ADAMTSL1: variants seen among roughly 807,000 people sequenced by gnomAD.
ADAMTSL1 encodes the protein ADAMTS-like protein 1.
A neutral mutation model predicts 201.8 loss-of-function variants in ADAMTSL1; 126 were observed. The observed-to-expected ratio is 0.62, with a 90% CI of 0.54 to 0.72. The LOEUF (loss-of-function observed/expected upper bound fraction) is 0.72. Among genes scored for constraint, ADAMTSL1 ranks in the 30% least tolerant of loss-of-function variants. The pLI, the probability that ADAMTSL1 is intolerant of heterozygous loss-of-function variation, is 0.00. For synonymous variants in ADAMTSL1, 1,121 were observed against 903.4 expected (o/e 1.24, Z -4.32); for missense variants, 2,679 against 2,277.8 (o/e 1.18, Z -3.59).
intron 4 of ADAMTSL1, among the ~76,000 whole-genome samples, chr9:18,583,846 G>A (rs1026133396): frequency 6.6e-6 from 1 of 152,156 alleles, no homozygotes; most frequent in African/African-American, 2.4e-5. Context: ...AGGGCCTGTA[G>A]TCCCTTTGTT....
intron 7 of ADAMTSL1, among the ~76,000 whole-genome samples, chr9:18,655,819 A>AAAAAAATAAAAAAAAAAT (rs1564123606): frequency 1.4e-4 from 14 of 101,042 alleles, no homozygotes; most frequent in Non-Finnish European, 3.5e-4. Flanking sequence ...AAAAAAAAAA[A>AAAAAAATAAAAAAAAAAT]AAAAAAAAAA....
intron 2 of ADAMTSL1, among the ~76,000 whole-genome samples, chr9:18,371,725 A>T (rs1837050351): frequency 6.6e-6 from 1 of 152,222 alleles, no homozygotes; most frequent in Non-Finnish European, 1.5e-5. Context: ...TTTCACAATC[A>T]CAAATAAATG....
At chr9:18,343,716 G>C (rs143702212) in intron 2 of ADAMTSL1, among the ~76,000 whole-genome samples, 134 of 152,228 alleles carry the variant, frequency 8.8e-4, no homozygotes, top group African/African-American at 2.7e-3. Context: ...CACCATCTGA[G>C]CTCCTTAAGC....
chr9:18,145,593 A>G (rs1211132923), intron 1 of ADAMTSL1, among the ~76,000 whole-genome samples: 2 of 152,202 alleles, frequency 1.3e-5, no homozygotes, highest in African/African-American at 2.4e-5. Context: ...CATATCTTTC[A>G]TAAACATTAG....
At chr9:17,908,235 C>T (rs755173473) in intron 1 of ADAMTSL1, among the ~76,000 whole-genome samples, 3 of 152,162 alleles carry the variant, frequency 2.0e-5, no homozygotes, top group Admixed American at 1.3e-4. Context: ...TGTATTCCCA[C>T]CATGCTTCGT....
intron 4 of ADAMTSL1, among the ~76,000 whole-genome samples, chr9:18,581,475 A>T (rs1750098090): frequency 6.6e-6 from 1 of 152,082 alleles, no homozygotes; most frequent in South Asian, 2.1e-4. Context: ...ACAAATATTC[A>T]CCTGATCCCA....
In ADAMTSL1 at chr9:18,680,294, C is replaced by T. The variant is rs1187453806; in HGVS notation, c.1137-18C>T. 3.1e-6 allele frequency: 5 copies of T among 1,612,242 alleles called. No individual in the cohort carries two copies. The highest frequency in any genetic ancestry group is 4.2e-6 in the Non-Finnish European group (5 of 1,179,166). On this transcript the variant is annotated intron_variant, in intron 10 of 28. Transcript: ENST00000380548. The stretch of plus-strand genomic sequence containing the variant: ...GCAATGTGCATGTCTGCCCTGATGA[C>T]TCCCCTTGCTTCTGTAGGTGGGAGG...
At chr9:18,592,600 T>A (rs115401709) in intron 4 of ADAMTSL1, among the ~76,000 whole-genome samples, 2 of 152,150 alleles carry the variant, frequency 1.3e-5, no homozygotes, top group East Asian at 3.9e-4. Flanking sequence ...AACTTCTCAG[T>A]ACCATGCTAT....
At chr9:18,576,409 A>G (rs1035413541) in intron 4 of ADAMTSL1, among the ~76,000 whole-genome samples, 2 of 152,214 alleles carry the variant, frequency 1.3e-5, no homozygotes, top group Non-Finnish European at 2.9e-5. Context: ...GGATGACCAT[A>G]GTCTCACCTT....
chr9:18,721,672 G>T lies in ADAMTSL1; in HGVS notation c.2006+7G>T, dbSNP rs762101867. ...TGGATCCCTGCCCAGCAAGGTAAGG[G>T]ATGTGTGGCCTGCCCTGCTGTCCAG... On this transcript the variant is annotated splice_region_variant and intron_variant, in intron 15 of 28. Coordinates refer to ENST00000380548, the MANE Select transcript of ADAMTSL1 (RefSeq NM_001040272.6). 7 of 1,613,626 alleles carry T rather than the reference G, an allele frequency of 4.3e-6. No individual in the cohort carries two copies. Among genetic ancestry groups the T allele is most frequent in the Non-Finnish European group, 5.1e-6 (6 of 1,179,718 alleles).
intron 1 of ADAMTSL1, among the ~76,000 whole-genome samples, chr9:18,104,329 C>T (rs565219888): frequency 6.6e-6 from 1 of 152,254 alleles, no homozygotes; most frequent in South Asian, 2.1e-4. Flanking sequence ...AAATTTTCAC[C>T]CAAATAAAGG....
intron 3 of ADAMTSL1, among the ~76,000 whole-genome samples, chr9:18,553,216 T>TA (rs1168055381): frequency 6.6e-6 from 1 of 150,994 alleles, no homozygotes; most frequent in Non-Finnish European, 1.5e-5. Flanking sequence ...CAGTCTTTTT[T>TA]TTTTTTTTTC....
chr9:18,164,595 G>A (rs1246897860), intron 2 of ADAMTSL1, among the ~76,000 whole-genome samples: 3 of 151,736 alleles, frequency 2.0e-5, no homozygotes, highest in Non-Finnish European at 4.4e-5. Context: ...GAATTGGACA[G>A]ACAACTTGTG....
chr9:18,547,689 C>G (rs2132199500), intron 3 of ADAMTSL1, among the ~76,000 whole-genome samples: 1 of 146,130 alleles, frequency 6.8e-6, no homozygotes, highest in South Asian at 2.2e-4. Context: ...AGAGTTTTCT[C>G]TGAAATTGTG....
At position 18,021,255 on chromosome 9, in the gene ADAMTSL1, T is replaced by A. The variant is rs566210294; in HGVS notation, c.87+114333T>A. Among the ~76,000 whole-genome samples the A allele has an allele frequency of 2.0e-5, 3 of 152,284 alleles. No homozygotes were observed. The South Asian group carries it at 6.2e-4, about 32-fold the overall frequency. ...AGCACTTTTGGCAAGAGTTACTTTG[T>A]TCACAGCAAATCTTTATGTTAACAC... On this transcript the variant is annotated intron_variant, in intron 1 of 29. Transcript: ENST00000680146.
intron 2 of ADAMTSL1, among the ~76,000 whole-genome samples, chr9:18,523,938 T>C (rs1240116837): frequency 7.2e-6 from 1 of 138,440 alleles, no homozygotes; most frequent in African/African-American, 2.7e-5. Context: ...CTTTTTTGGT[T>C]CCATATGAAC....
At chr9:18,819,385 A>G (rs1021973570) in intron 21 of ADAMTSL1, among the ~76,000 whole-genome samples, 1 of 151,700 alleles carries the variant, frequency 6.6e-6, no homozygotes, top group Admixed American at 6.6e-5. Flanking sequence ...GAACCTAGGA[A>G]GCAGAGATTG....
intron 2 of ADAMTSL1, among the ~76,000 whole-genome samples, chr9:18,329,427 A>G (rs959726765): frequency 6.6e-6 from 1 of 152,202 alleles, no homozygotes; most frequent in Non-Finnish European, 1.5e-5. Flanking sequence ...ACTGGGATAG[A>G]GAAAGAACCA....
chr9:18,293,489 C>T (rs1833354138), intron 2 of ADAMTSL1, among the ~76,000 whole-genome samples: 1 of 152,170 alleles, frequency 6.6e-6, no homozygotes, highest in African/African-American at 2.4e-5. Context: ...TGGGCCAGTG[C>T]CGTGGGCCTG....
Sources: allele counts gnomAD v4.1 joint callset (sites outside exome capture counted in the v4.1 genomes callset), GRCh38; gene constraint gnomAD v4.1.1; transcripts MANE v1.5; gene names NCBI Gene and HGNC (gene_info 2026-07-23, HGNC 2026-07-21).